RFTN1: variants seen among roughly 807,000 people sequenced by gnomAD.
The protein encoded by RFTN1 is raftlin.
Under a neutral mutation model 46.5 loss-of-function variants are expected in RFTN1, and 26 were observed. That is an observed-to-expected ratio of 0.56 (90% confidence interval 0.41 to 0.78). RFTN1 has a LOEUF of 0.78. Among genes scored for constraint, RFTN1 ranks in the 30% least tolerant of loss-of-function variants. The pLI, the probability that RFTN1 is intolerant of heterozygous loss-of-function variation, is 0.00. For missense variants in RFTN1, 693 were observed against 718.7 expected (o/e 0.96, Z 0.41); for synonymous variants, 261 against 284.2 (o/e 0.92, Z 0.82).
chr3:16,352,890 C>A lies in RFTN1; in HGVS notation c.1146+5042G>T, dbSNP rs1477464010. 6.6e-6 allele frequency among the ~76,000 whole-genome samples: 1 copy of A among 152,214 alleles called. No homozygotes were observed. Among genetic ancestry groups the A allele is most frequent in the Non-Finnish European group, 1.5e-5 (1 of 68,046 alleles). On this transcript the variant is annotated intron_variant, in intron 7 of 9. Coordinates refer to ENST00000334133, the MANE Select transcript of RFTN1 (RefSeq NM_015150.2). This position sits in a 1 kb window ranked among gnomAD's most constrained non-coding sequence, Gnocchi z 4.6. Reference sequence around the variant, plus strand: ...AGAGAGGCAGGATGCACACTCAGGCCAGACTCTGGAATCTCCGCTGTCTTG... The same window carrying A: ...AGAGAGGCAGGATGCACACTCAGGCAAGACTCTGGAATCTCCGCTGTCTTG...
intron 3 of RFTN1, among the ~76,000 whole-genome samples, chr3:16,415,944 A>G (rs918965655): frequency 3.3e-5 from 5 of 152,148 alleles, no homozygotes; most frequent in Non-Finnish European, 7.3e-5. Flanking sequence ...AATCATATAA[A>G]TTGGGCAGAT....
intron 6 of RFTN1, among the ~76,000 whole-genome samples, chr3:16,360,591 C>G (rs554979962): frequency 1.2e-4 from 19 of 152,278 alleles, no homozygotes; most frequent in Non-Finnish European, 1.5e-4. Flanking sequence ...AACAATGTTG[C>G]AGGAGCTTGC....
chr3:16,439,883 G>A (rs781177158), intron 2 of RFTN1, among the ~76,000 whole-genome samples: 4 of 152,106 alleles, frequency 2.6e-5, no homozygotes, highest in African/African-American at 4.8e-5. Flanking sequence ...GAAAACTAAC[G>A]TTTTAAGTAT....
chr3:16,475,600 T>C lies in RFTN1; in HGVS notation c.145+18125A>G, dbSNP rs895302496. 3.3e-5 allele frequency among the ~76,000 whole-genome samples: 5 copies of C among 152,200 alleles called. No homozygotes were observed. Among genetic ancestry groups the C allele is most frequent in the Non-Finnish European group, 7.3e-5 (5 of 68,038 alleles). ...CAACAGGGGCAGAGAAGAGTATGCC[T>C]GGCACCTGGAGAGTCTCTAGAGTGC... On this transcript the variant is annotated intron_variant, in intron 2 of 9. Transcript: ENST00000334133. The surrounding 1 kb of genome is among the most constrained non-coding windows in gnomAD (Gnocchi z 4.2).
In RFTN1 at chr3:16,465,773, C is replaced by T. The variant is rs1239651603; in HGVS notation, c.145+27952G>A. ...CAGAAGGCTGAGCAGGGGATGTCCA[C>T]ATCTTGCCAACCCTGGAGCTCCATT... On this transcript the variant is annotated intron_variant, in intron 2 of 9. Coordinates refer to ENST00000334133, the MANE Select transcript of RFTN1 (RefSeq NM_015150.2). This position sits in a 1 kb window ranked among gnomAD's most constrained non-coding sequence, Gnocchi z 5.1. Among the ~76,000 whole-genome samples the T allele has an allele frequency of 1.3e-5, 2 of 152,194 alleles. No individual in the cohort carries two copies. The highest frequency in any genetic ancestry group is 6.5e-5 in the Admixed American group (1 of 15,280).
In RFTN1 at chr3:16,484,299, A is replaced by G. The variant is rs2076412920; in HGVS notation, c.145+9426T>C. On this transcript the variant is annotated intron_variant, in intron 2 of 9. Transcript: ENST00000334133. This position sits in a 1 kb window ranked among gnomAD's most constrained non-coding sequence, Gnocchi z 4.6. ...TGTGTGTCAGACTAACACCCCCCAG[A>G]CTGGAGGTCAAAGAAAAACTGGACC... is the stretch of plus-strand genomic sequence containing the variant. Among the ~76,000 whole-genome samples the G allele has an allele frequency of 6.6e-6, 1 of 152,172 alleles. No homozygotes were observed. The highest frequency in any genetic ancestry group is 2.4e-5 in the African/African-American group (1 of 41,440).
intron 1 of RFTN1, among the ~76,000 whole-genome samples, chr3:16,501,511 C>T (rs955959021): frequency 6.6e-6 from 1 of 152,194 alleles, no homozygotes; most frequent in African/African-American, 2.4e-5. Context: ...TCATTTGCCA[C>T]ACTTGCTGCT....
chr3:16,391,858 GT>G lies in RFTN1; in HGVS notation c.442-13757del, dbSNP rs1272551461. 1.9e-3 allele frequency among the ~76,000 whole-genome samples: 93 copies of G among 49,140 alleles called. 2 individuals are homozygous for G. Among genetic ancestry groups the G allele is most frequent in the African/African-American group, 4.0e-3 (89 of 22,482 alleles). 32.2% of individuals were successfully genotyped at this position (49,140 alleles called of 152,430 possible). A position where few individuals can be genotyped will look rare whatever the true frequency, so the allele number is the denominator to read the frequency against. On this transcript the variant is annotated intron_variant, in intron 4 of 9. Transcript: ENST00000334133. Reference sequence around the variant, plus strand: ...TAGAGATTATCATTCTAGTGCAAAGGTTTTTTTTTTGTTTTTTTTTTTTGTT... The same window carrying G: ...TAGAGATTATCATTCTAGTGCAAAGGTTTTTTTTTGTTTTTTTTTTTTGTT...
At chr3:16,332,756 C>A (rs1039493978) in intron 7 of RFTN1, among the ~76,000 whole-genome samples, 4 of 152,064 alleles carry the variant, frequency 2.6e-5, no homozygotes, top group Non-Finnish European at 5.9e-5. Context: ...ATCTACTTTC[C>A]ATCTATCTAA....
chr3:16,390,232 C>T (rs549278657), intron 4 of RFTN1, among the ~76,000 whole-genome samples: 1 of 152,306 alleles, frequency 6.6e-6, no homozygotes, highest in African/African-American at 2.4e-5. Context: ...GTGATCGTCA[C>T]TAATCCATAC....
intron 2 of RFTN1, among the ~76,000 whole-genome samples, chr3:16,492,287 C>A (rs995953911): frequency 6.6e-6 from 1 of 152,120 alleles, no homozygotes; most frequent in Non-Finnish European, 1.5e-5. Context: ...AGCCTCCGCA[C>A]GGAGACAGTC....
intron 6 of RFTN1, among the ~76,000 whole-genome samples, chr3:16,358,581 G>C (rs764533933): frequency 1.4e-4 from 22 of 152,204 alleles, no homozygotes; most frequent in Non-Finnish European, 2.6e-4. Flanking sequence ...GGTGGAATGT[G>C]GGGGAGAGGG....
At position 16,351,339 on chromosome 3, in the gene RFTN1, G is replaced by A. The variant is rs2072089808; in HGVS notation, c.1146+6593C>T. On this transcript the variant is annotated intron_variant, in intron 7 of 9. Transcript: ENST00000334133. This position sits in a 1 kb window ranked among gnomAD's most constrained non-coding sequence, Gnocchi z 5.4. ...ATATGAAGCCTTCAGGGAAGCCAAG[G>A]CTGGAAGATCCCCAGAATGAAGGAT... Among the ~76,000 whole-genome samples, 1 of 152,190 alleles carries A rather than the reference G, an allele frequency of 6.6e-6. No individual in the cohort carries two copies. Among genetic ancestry groups the A allele is most frequent in the South Asian group, 2.1e-4 (1 of 4,832 alleles).
intron 3 of RFTN1, among the ~76,000 whole-genome samples, chr3:16,417,192 AT>A (rs2075099211): frequency 6.7e-6 from 1 of 150,006 alleles, no homozygotes; most frequent in South Asian, 2.1e-4. Context: ...TTTTTTTTGA[AT>A]TTTAGTAAAG....
At chr3:16,386,061 C>T (rs181446803) in intron 4 of RFTN1, among the ~76,000 whole-genome samples, 10 of 152,346 alleles carry the variant, frequency 6.6e-5, no homozygotes, top group East Asian at 3.9e-4. Flanking sequence ...AAGAGACTTT[C>T]GTCATAGTCC....
rs1302763684 is a variant in RFTN1 at position 16,327,224 on chromosome 3, T to C, written c.1147-348A>G. On this transcript the variant is annotated intron_variant, in intron 7 of 9. Coordinates refer to ENST00000334133, the MANE Select transcript of RFTN1 (RefSeq NM_015150.2). This position sits in a 1 kb window ranked among gnomAD's most constrained non-coding sequence, Gnocchi z 4.2. ...ACCTCTGAGCGGTATCCAGGGCATA[T>C]AACTACACGTGCTGCTCTGAATGAG... Among the ~76,000 whole-genome samples the C allele has an allele frequency of 6.6e-6, 1 of 152,204 alleles. No individual in the cohort carries two copies. Among genetic ancestry groups the C allele is most frequent in the Non-Finnish European group, 1.5e-5 (1 of 68,042 alleles).
Position 16,500,386 on chromosome 3 carries a change from G to A in RFTN1, c.-8-6509C>T, listed in dbSNP as rs2076692007. 6.6e-6 allele frequency among the ~76,000 whole-genome samples: 1 copy of A among 152,138 alleles called. No homozygotes were observed. The highest frequency in any genetic ancestry group is 2.4e-5 in the African/African-American group (1 of 41,418). ...GAAACTATGTGTATGGGTCTCCCGAGCATCAAGGTACCAAGAAAAACTTTC... is the reference window on the plus strand; with the variant it reads ...GAAACTATGTGTATGGGTCTCCCGAACATCAAGGTACCAAGAAAAACTTTC... On this transcript the variant is annotated intron_variant, in intron 1 of 9. Transcript: ENST00000334133. This position sits in a 1 kb window ranked among gnomAD's most constrained non-coding sequence, Gnocchi z 5.9.
chr3:16,337,040 T>C lies in RFTN1; in HGVS notation c.1147-10164A>G, dbSNP rs2070923999. 6.6e-6 allele frequency: 1 copy of C among 152,202 alleles called. No homozygotes were observed. The highest frequency in any genetic ancestry group is 1.5e-5 in the Non-Finnish European group (1 of 68,060). 9.4% of individuals were successfully genotyped at this position (152,202 alleles called of 1,614,324 possible). A position where few individuals can be genotyped will look rare whatever the true frequency, so the allele number is the denominator to read the frequency against. ...GGGACTTGCTCTGACAAATAGGATA[T>C]GGCAGATGTGACATTACGGTCATCC... On this transcript the variant is annotated intron_variant, in intron 7 of 9. Coordinates refer to ENST00000334133, the MANE Select transcript of RFTN1 (RefSeq NM_015150.2). The surrounding 1 kb of genome is among the most constrained non-coding windows in gnomAD (Gnocchi z 5.0).
intron 2 of RFTN1, among the ~76,000 whole-genome samples, chr3:16,435,943 T>TATATATATATATATATA (rs2075504485): frequency 7.1e-6 from 1 of 141,756 alleles, no homozygotes; most frequent in Admixed American, 7.0e-5. Flanking sequence ...TATATATATA[T>TATATATATATATATATA]ATCACACACA....
Sources: gnomAD v4.1 joint callset for allele counts (sites outside exome capture counted in the v4.1 genomes callset) on GRCh38, gnomAD v4.1.1 for gene constraint, Gnocchi (gnomAD v3.1) non-coding constraint, MANE v1.5 for transcripts, NCBI Gene and HGNC (gene_info 2026-07-23, HGNC 2026-07-21) for gene names.